CYP2U1: variants seen among roughly 807,000 people sequenced by gnomAD.
CYP2U1 encodes cytochrome P450 2U1.
In CYP2U1, 28 loss-of-function variants were observed where a neutral mutation model predicts 42.8. That is an observed-to-expected ratio of 0.65 (90% confidence interval 0.48 to 0.90). CYP2U1 has a LOEUF of 0.90. Among genes scored for constraint, CYP2U1 ranks in the 40% least tolerant of loss-of-function variants. The pLI is 0.00. For synonymous variants in CYP2U1, 296 were observed against 278.9 expected, an observed-to-expected ratio of 1.06 and a Z score of -0.61; for missense variants, 642 against 693.8, an observed-to-expected ratio of 0.93 and a Z score of 0.84.
At chr4:107,948,321 T>C (rs1733780631) in intron 3 of CYP2U1, among the ~76,000 whole-genome samples, 1 of 149,774 alleles carries the variant, frequency 6.7e-6, no homozygotes, top group South Asian at 2.1e-4. Context: ...CCCAGCACTT[T>C]GGGAGGCCCA....
rs1307367044 is a variant in CYP2U1 at position 107,951,664 on chromosome 4, C to T, written c.*1241C>T. The T allele has an allele frequency of 1.3e-5, 2 of 152,308 alleles. No individual in the cohort carries two copies. Among genetic ancestry groups the T allele is most frequent in the Non-Finnish European group, 2.9e-5 (2 of 68,184 alleles). 9.4% of individuals were successfully genotyped at this position (152,308 alleles called of 1,614,324 possible). Reference sequence around the variant, plus strand: ...GTCCTGCTCAAGATGCCAGGATTTCCCCCAGTGAGAACATGCTCTAAGGAA... The same window carrying T: ...GTCCTGCTCAAGATGCCAGGATTTCTCCCAGTGAGAACATGCTCTAAGGAA... On this transcript the variant is annotated 3_prime_UTR_variant, in exon 5 of 5. Transcript: ENST00000332884.
At chr4:107,947,895 T>C (rs780998270) in intron 3 of CYP2U1, among the ~76,000 whole-genome samples, 2 of 152,178 alleles carry the variant, frequency 1.3e-5, no homozygotes, top group Non-Finnish European at 2.9e-5. Context: ...GAAGAGCTCA[T>C]CTAAATGTGG....
At chr4:107,940,358 T>C (rs1238725287) in intron 1 of CYP2U1, 2 of 152,124 alleles carry the variant, frequency 1.3e-5, no homozygotes, top group African/African-American at 4.8e-5. Flanking sequence ...CCTGCTAGGA[T>C]TACAGGCATG....
intron 2 of CYP2U1, among the ~76,000 whole-genome samples, chr4:107,946,973 T>TA (rs1733718562): frequency 6.6e-6 from 1 of 152,152 alleles, no homozygotes; most frequent in Non-Finnish European, 1.5e-5. Flanking sequence ...ACCAACTTGG[T>TA]ACAGAGTAGG....
In CYP2U1 at chr4:107,931,838, C is replaced by T. The variant is rs780202261; in HGVS notation, c.195C>T (p.Pro65=). The change falls in exon 1 of 5, where the codon CCC becomes CCT. Residue 65 remains proline, a synonymous_variant. Transcript: ENST00000332884. ...GGGGCATCCCGCCCGGGCCCACGCCCTGGCCTCTGGTGGGCAACTTCGGTC... is the reference window on the plus strand; with the variant it reads ...GGGGCATCCCGCCCGGGCCCACGCCTTGGCCTCTGGTGGGCAACTTCGGTC... The part of the protein sequence containing the change: ...RARGIPPGPT[P]WPLVGNFGHV... The T allele has an allele frequency of 1.9e-5, 29 of 1,539,926 alleles. No individual in the cohort carries two copies. The East Asian group carries it at 5.4e-4, about 29-fold the overall frequency.
chr4:107,947,291 A>T, intron 2 of CYP2U1, 85 bp from the exon 3 acceptor site: 2 of 1,175,774 alleles, frequency 1.7e-6, no homozygotes, highest in Non-Finnish European at 2.5e-6. Flanking sequence ...GTTATGCATT[A>T]GTGGTGATGG....
At position 107,934,575 on chromosome 4, in the gene CYP2U1, T is replaced by C. The variant is rs536217092; in HGVS notation, c.490+2442T>C. On this transcript the variant is annotated intron_variant, in intron 1 of 4. Transcript: ENST00000332884. ...TCTTACATAAACCATGAATCAAATC[T>C]TGTAGCTCTCTGGCTGAAACCAATT... is the stretch of plus-strand genomic sequence containing the variant. Among the ~76,000 whole-genome samples the C allele has an allele frequency of 2.0e-4, 30 of 152,360 alleles. 1 individual carries two copies. In the South Asian group the frequency reaches 6.2e-3, roughly 32 times the overall value.
chr4:107,942,358 AT>A (rs1326727811), intron 1 of CYP2U1, among the ~76,000 whole-genome samples: 1 of 152,210 alleles, frequency 6.6e-6, no homozygotes, highest in African/African-American at 2.4e-5. Flanking sequence ...TTTAAAAAAA[AT>A]AAAATAAAGG....
intron 4 of CYP2U1, 144 bp from the exon 5 acceptor site, chr4:107,950,099 CTA>C: frequency 1.4e-6 from 1 of 704,070 alleles, no homozygotes; most frequent in Non-Finnish European, 2.3e-6. Flanking sequence ...CTGTGGGAGG[CTA>C]TGTGGTATAT....
chr4:107,936,697 TATTTTA>T (rs1294135402), intron 1 of CYP2U1: 1 of 152,242 alleles, frequency 6.6e-6, no homozygotes, highest in Non-Finnish European at 1.5e-5. Context: ...ATCACATTTT[TATTTTA>T]AAATATTCAA....
intron 1 of CYP2U1, among the ~76,000 whole-genome samples, chr4:107,933,192 T>C (rs1404425857): frequency 6.6e-6 from 1 of 152,190 alleles, no homozygotes; most frequent in African/African-American, 2.4e-5. Flanking sequence ...CCTAGCGTAG[T>C]GAAATTCATA....
At position 107,949,414 on chromosome 4, in the gene CYP2U1, A is replaced by T; in HGVS notation, c.1353A>T (p.Arg451Ser). 3.1e-6 allele frequency: 5 copies of T among 1,611,572 alleles called. No individual in the cohort carries two copies. The highest frequency in any genetic ancestry group is 8.5e-7 in the Non-Finnish European group (1 of 1,178,566). The change falls in exon 4 of 5, where the codon AGA (arginine) becomes AGT (serine). Residue 451 changes from arginine to serine, a missense_variant. Coordinates refer to ENST00000332884, the MANE Select transcript of CYP2U1 (RefSeq NM_183075.3). ...LILPNLWSVH[R>S]DPAIWEKPED... ...TACCCAACCTGTGGTCAGTACATAG[A>T]GACCCAGCCATTTGGGAGAAACCGG... is the stretch of plus-strand genomic sequence containing the variant.
chr4:107,944,733 G>A (rs1283482906), intron 1 of CYP2U1, among the ~76,000 whole-genome samples: 2 of 148,980 alleles, frequency 1.3e-5, no homozygotes, highest in Non-Finnish European at 1.5e-5. Flanking sequence ...ATAAGCTTTA[G>A]AGCAAATTCT....
At position 107,931,859 on chromosome 4, in the gene CYP2U1, C is replaced by T. The variant is rs1318179376; in HGVS notation, c.216C>T (p.Phe72=). 3 of 1,545,598 alleles carry T rather than the reference C, an allele frequency of 1.9e-6. No homozygotes were observed. The highest frequency in any genetic ancestry group is 2.0e-5 in the Admixed American group (1 of 50,802). ...CGCCCTGGCCTCTGGTGGGCAACTTCGGTCACGTGCTGCTGCCTCCCTTCC... is the reference window on the plus strand; with the variant it reads ...CGCCCTGGCCTCTGGTGGGCAACTTTGGTCACGTGCTGCTGCCTCCCTTCC... The part of the protein sequence containing the change: ...GPTPWPLVGN[F]GHVLLPPFLR... Residue 72 remains phenylalanine (F), a synonymous_variant, in exon 1 of 5, where the codon TTC becomes TTT. Transcript: ENST00000332884.
At chr4:107,933,524 T>G (rs1002678051) in intron 1 of CYP2U1, among the ~76,000 whole-genome samples, 6 of 152,200 alleles carry the variant, frequency 3.9e-5, no homozygotes, top group African/African-American at 1.4e-4. Flanking sequence ...CCCTACTCAT[T>G]TAAAATCCTT....
rs1733880744 is a variant in CYP2U1 at position 107,950,688 on chromosome 4, G to C, written c.*265G>C. The C allele has an allele frequency of 3.2e-6, 1 of 317,148 alleles. No homozygotes were observed. Among genetic ancestry groups the C allele is most frequent in the African/African-American group, 2.1e-5 (1 of 47,170 alleles). The allele number at this position is 317,148 out of a possible 1,614,324, so 19.6% of individuals were successfully genotyped here. A position where few individuals can be genotyped will look rare whatever the true frequency, so the allele number is the denominator to read the frequency against. On this transcript the variant is annotated 3_prime_UTR_variant, in exon 5 of 5. Transcript: ENST00000332884. Reference sequence around the variant, plus strand: ...GAAACGGGATATCTGGATTTTACTTGCAGTGGCTTCCACCGATGGGCCAAT... The same window carrying C: ...GAAACGGGATATCTGGATTTTACTTCCAGTGGCTTCCACCGATGGGCCAAT...
At chr4:107,949,539 T>G in intron 4 of CYP2U1, 22 bp downstream of exon 4, 1 of 1,490,860 alleles carries the variant, frequency 6.7e-7, no homozygotes, top group Non-Finnish European at 9.0e-7. Context: ...TTTTTTAAAC[T>G]GCATAATTTT....
chr4:107,940,475 C>CT (rs923553385), intron 1 of CYP2U1: 2 of 152,058 alleles, frequency 1.3e-5, no homozygotes, highest in African/African-American at 4.8e-5. Context: ...TCCAGTTAAA[C>CT]TTTATTTATA....
chr4:107,933,155 T>C (rs777025111), intron 1 of CYP2U1, among the ~76,000 whole-genome samples: 12 of 152,206 alleles, frequency 7.9e-5, no homozygotes, highest in Non-Finnish European at 1.6e-4. Context: ...AGACAAATAT[T>C]GTATGATCCA....
Sources: gnomAD v4.1 joint callset for allele counts (sites outside exome capture counted in the v4.1 genomes callset) on GRCh38, gnomAD v4.1.1 for gene constraint, MANE v1.5 for transcripts, NCBI Gene and HGNC (gene_info 2026-07-23, HGNC 2026-07-21) for gene names.